Variants in ST8SIA3 observed in about 807,000 individuals in gnomAD.
ST8SIA3 encodes the protein alpha-N-acetylneuraminate alpha-2,8-sialyltransferase ST8SIA3.
A neutral mutation model predicts 34.5 loss-of-function variants in ST8SIA3; 17 were observed. The observed-to-expected ratio is 0.49, with a 90% CI of 0.34 to 0.74. The LOEUF is 0.74. Ranked by LOEUF, ST8SIA3 falls within the 30% of genes least tolerant of loss-of-function variation. The probability of loss-of-function intolerance (pLI) is 0.01; values close to 1 mark genes in which losing one functional copy is unlikely to be tolerated. For missense variants in ST8SIA3, 354 were observed against 467.8 expected (o/e 0.76, Z 2.24); for synonymous variants, 172 against 176.1 (o/e 0.98, Z 0.19).
In ST8SIA3 at chr18:57,360,315, A is replaced by G. The variant is rs1460521852; in HGVS notation, c.*38A>G. The G allele has an allele frequency of 6.3e-7, 1 of 1,587,804 alleles. No individual in the cohort carries two copies. Among genetic ancestry groups the G allele is most frequent in the Admixed American group, 1.7e-5 (1 of 58,072 alleles). On this transcript the variant is annotated 3_prime_UTR_variant, in exon 4 of 4. Coordinates refer to ENST00000324000, the MANE Select transcript of ST8SIA3 (RefSeq NM_015879.3). ...GAAAGCGCCAAATGGCTGTTTAAAA[A>G]GTGCCCCAAATCAAATTGAATAGCC...
intron 3 of ST8SIA3, among the ~76,000 whole-genome samples, chr18:57,357,898 T>G (rs1359682345): frequency 1.3e-5 from 2 of 152,248 alleles, no homozygotes; most frequent in Non-Finnish European, 2.9e-5. Flanking sequence ...TTTGTAGATG[T>G]CCAAGGTTAG....
In ST8SIA3 at chr18:57,352,607, C is replaced by T. The variant is rs1490988206; in HGVS notation, c.-240C>T. 3.9e-6 allele frequency: 2 copies of T among 518,758 alleles called. No homozygotes were observed. The highest frequency in any genetic ancestry group is 2.8e-5 in the Admixed American group (1 of 36,302). The allele number at this position is 518,758 out of a possible 1,614,324, so 32.1% of individuals were successfully genotyped here. A position where few individuals can be genotyped will look rare whatever the true frequency, so the allele number is the denominator to read the frequency against. ...CTCCATCTTCCTGCTCGGCACCGGG[C>T]CCCGCGCGCCCCTGCCTACGGGGTC... On this transcript the variant is annotated 5_prime_UTR_variant, in exon 1 of 4. Transcript: ENST00000324000.
chr18:57,353,132 G>A, intron 1 of ST8SIA3, 107 bp downstream of exon 1: 2 of 1,150,796 alleles, frequency 1.7e-6, no homozygotes, highest in Non-Finnish European at 2.5e-6. Flanking sequence ...AGACTCTTTG[G>A]GCCAGATAAC....
chr18:57,360,536 G>A lies in ST8SIA3; in HGVS notation c.*259G>A. The A allele has an allele frequency of 2.2e-6, 1 of 450,418 alleles. No homozygotes were observed. Among genetic ancestry groups the A allele is most frequent in the Non-Finnish European group, 3.9e-6 (1 of 253,710 alleles). 27.9% of individuals were successfully genotyped at this position (450,418 alleles called of 1,614,324 possible). A position where few individuals can be genotyped will look rare whatever the true frequency, so the allele number is the denominator to read the frequency against. On this transcript the variant is annotated 3_prime_UTR_variant, in exon 4 of 4. Coordinates refer to ENST00000324000, the MANE Select transcript of ST8SIA3 (RefSeq NM_015879.3). Reference sequence around the variant, plus strand: ...GACTATGCTGCTAACGAAATGGTTTGAAGTATTTTCATGTTTGGATTTTAA... The same window carrying A: ...GACTATGCTGCTAACGAAATGGTTTAAAGTATTTTCATGTTTGGATTTTAA...
At position 57,368,592 on chromosome 18, in the gene ST8SIA3, C is replaced by T. The variant is rs1598906816; in HGVS notation, c.*8315C>T. On this transcript the variant is annotated 3_prime_UTR_variant, in exon 4 of 4. Transcript: ENST00000324000. ...AGTTCTCTTGCTCTTTGGAAGAAGC[C>T]GAGGGCCTTAACAAATCAGACTGAC... The T allele has an allele frequency of 2.0e-5, 3 of 152,114 alleles. No homozygotes were observed. Among genetic ancestry groups the T allele is most frequent in the Admixed American group, 6.5e-5 (1 of 15,272 alleles). The allele number at this position is 152,114 out of a possible 1,614,324, so 9.4% of individuals were successfully genotyped here.
rs764755634 is a variant in ST8SIA3 at position 57,353,070 on chromosome 18, T to C, written c.179+45T>C. The C allele has an allele frequency of 1.9e-6, 3 of 1,585,990 alleles. No individual in the cohort carries two copies. In the Admixed American group the frequency reaches 5.0e-5, roughly 27 times the overall value. On this transcript the variant is annotated intron_variant, in intron 1 of 3. Transcript: ENST00000324000. Reference sequence around the variant, plus strand: ...TTAGTGCCCTCGGGAATTTGGTTGATGGGGTGTTTGGGGAAGGGAAGGCGT... The same window carrying C: ...TTAGTGCCCTCGGGAATTTGGTTGACGGGGTGTTTGGGGAAGGGAAGGCGT...
In ST8SIA3 at chr18:57,357,084, T is replaced by C. The variant is rs2049802696; in HGVS notation, c.474T>C (p.His158=). 6.2e-7 allele frequency: 1 copy of C among 1,614,046 alleles called. No homozygotes were observed. Among genetic ancestry groups the C allele is most frequent in the East Asian group, 2.2e-5 (1 of 44,888 alleles). ...LPDVSPIMNK[H]YNICAVVGNS... is the part of the protein sequence containing the mutation. ...ATGTGTCACCCATTATGAACAAGCA[T>C]TATAATATTTGTGCTGTGGTTGGAA... Residue 158 remains histidine (H), a synonymous_variant, in exon 3 of 4, where the codon CAT becomes CAC. Transcript: ENST00000324000.
rs774112754 is a variant in ST8SIA3 at position 57,356,956 on chromosome 18, T to C, written c.346T>C (p.Leu116=). 1.2e-6 allele frequency: 2 copies of C among 1,600,270 alleles called. No homozygotes were observed. Among genetic ancestry groups the C allele is most frequent in the Admixed American group, 3.5e-5 (2 of 56,918 alleles). ...QHVDVIKNFS[L]TKNSVRIGQL... The stretch of plus-strand genomic sequence containing the variant: ...TGTCGATGTAATAAAAAATTTTTCT[T>C]TGACCAAGAATAGTGTTCGGATTGG... The change falls in exon 3 of 4, where the codon TTG becomes CTG. Residue 116 remains leucine (L), a synonymous_variant. Transcript: ENST00000324000.
chr18:57,360,086 T>A lies in ST8SIA3; in HGVS notation c.952T>A (p.Leu318Met), dbSNP rs1419175656. 6.2e-7 allele frequency: 1 copy of A among 1,614,180 alleles called. No individual in the cohort carries two copies. The highest frequency in any genetic ancestry group is 1.1e-5 in the South Asian group (1 of 91,086). The part of the protein sequence containing the change: ...LASAICEEIH[L>M]YGFWPFGFDP... ...ATCAGCAATATGTGAAGAGATCCAC[T>A]TGTATGGATTTTGGCCGTTTGGATT... Residue 318 changes from leucine to methionine, a missense_variant, in exon 4 of 4, where the codon TTG (leucine) becomes ATG (methionine). By Grantham distance (15) the Leu-to-Met change is conservative. Transcript: ENST00000324000.
At position 57,366,169 on chromosome 18, in the gene ST8SIA3, G is replaced by A. The variant is rs1479649762; in HGVS notation, c.*5892G>A. On this transcript the variant is annotated 3_prime_UTR_variant, in exon 4 of 4. Transcript: ENST00000324000. ...GCCTGAACAATTTTTAAGTCAGTGA[G>A]TACCAAATAGGAGAGGCTAGCAGAG... The A allele has an allele frequency of 6.6e-6, 1 of 152,210 alleles. No homozygotes were observed. Among genetic ancestry groups the A allele is most frequent in the Non-Finnish European group, 1.5e-5 (1 of 68,040 alleles). The allele number at this position is 152,210 out of a possible 1,614,324, so 9.4% of individuals were successfully genotyped here.
rs201061413 is a variant in ST8SIA3 at position 57,352,732 on chromosome 18, T to G, written c.-115T>G. ...CCTCCTCCGCCACACGCGCGCGCGC[T>G]CACACACACACACACACACACACAC... On this transcript the variant is annotated 5_prime_UTR_variant, in exon 1 of 4. Coordinates refer to ENST00000324000, the MANE Select transcript of ST8SIA3 (RefSeq NM_015879.3). 40 of 390,474 alleles carry G rather than the reference T, an allele frequency of 1.0e-4. 1 individual carries two copies. Among genetic ancestry groups the G allele is most frequent in the Admixed American group, 1.4e-4 (5 of 34,632 alleles). 24.2% of individuals were successfully genotyped at this position (390,474 alleles called of 1,614,324 possible). A position where few individuals can be genotyped will look rare whatever the true frequency, so the allele number is the denominator to read the frequency against.
rs897090511 is a variant in ST8SIA3, at chr18:57,353,133, G to C, written c.179+108G>C. ...TTTTGGCCTCTCCGAGACTCTTTGG[G>C]CCAGATAACTGCGCGGTCCTTCCAC... On this transcript the variant is annotated intron_variant, in intron 1 of 3. Coordinates refer to ENST00000324000, the MANE Select transcript of ST8SIA3 (RefSeq NM_015879.3). 6.6e-5 allele frequency: 72 copies of C among 1,096,964 alleles called. No homozygotes were observed. The East Asian group carries it at 1.7e-3, about 26-fold the overall frequency. 68.0% of individuals were successfully genotyped at this position (1,096,964 alleles called of 1,614,324 possible). A position where few individuals can be genotyped will look rare whatever the true frequency, so the allele number is the denominator to read the frequency against.
At chr18:57,354,044 G>T (rs868607476) in intron 1 of ST8SIA3, among the ~76,000 whole-genome samples, 31 of 152,252 alleles carry the variant, frequency 2.0e-4, no homozygotes, top group African/African-American at 7.2e-4. Context: ...GGGCTGCAAA[G>T]GCGTAGCGGG....
intron 2 of ST8SIA3, 128 bp from the exon 3 acceptor site, chr18:57,356,785 G>A (rs1423592187): frequency 6.3e-6 from 4 of 630,140 alleles, no homozygotes; most frequent in Non-Finnish European, 8.2e-6. Flanking sequence ...CCACAATTAT[G>A]TATGTATAAT....
Position 57,354,634 on chromosome 18 carries a change from C to G in ST8SIA3, c.302+110C>G, listed in dbSNP as rs1598901750. 6.2e-6 allele frequency: 8 copies of G among 1,284,892 alleles called. No individual in the cohort carries two copies. The East Asian group carries it at 1.9e-4, about 31-fold the overall frequency. The allele number at this position is 1,284,892 out of a possible 1,614,324, so 79.6% of individuals were successfully genotyped here. ...ACATCTAAAACAACAAACATCTATACGCCCCACCCTCACCATCAGGTGTAT... is the reference window on the plus strand; with the variant it reads ...ACATCTAAAACAACAAACATCTATAGGCCCCACCCTCACCATCAGGTGTAT... On this transcript the variant is annotated intron_variant, in intron 2 of 3. Transcript: ENST00000324000.
chr18:57,362,643 T>A lies in ST8SIA3; in HGVS notation c.*2366T>A, dbSNP rs1598904765. On this transcript the variant is annotated 3_prime_UTR_variant, in exon 4 of 4. Transcript: ENST00000324000. ...CCATCCCCCACCACCGTGTTATCTATCACTTTAATGAAAACTCAAAATAGT... is the reference window on the plus strand; with the variant it reads ...CCATCCCCCACCACCGTGTTATCTAACACTTTAATGAAAACTCAAAATAGT... 2 of 152,130 alleles carry A rather than the reference T, an allele frequency of 1.3e-5. No individual in the cohort carries two copies. Among genetic ancestry groups the A allele is most frequent in the Non-Finnish European group, 2.9e-5 (2 of 68,024 alleles). 9.4% of individuals were successfully genotyped at this position (152,130 alleles called of 1,614,324 possible).
Position 57,352,680 on chromosome 18 carries a change from G to GCCCCCCC in ST8SIA3, c.-165_-164insCCCCCCC. 2 of 349,028 alleles carry GCCCCCCC rather than the reference G, an allele frequency of 5.7e-6. No homozygotes were observed. The highest frequency in any genetic ancestry group is 1.1e-5 in the Non-Finnish European group (2 of 180,816). 21.6% of individuals were successfully genotyped at this position (349,028 alleles called of 1,614,324 possible). On this transcript the variant is annotated 5_prime_UTR_variant, in exon 1 of 4. Transcript: ENST00000324000. ...CCAGCCCCAACCCCCGGCCCCGGTGGCCTCCCCCCACCCCCGCCCGGGTCC... is the reference window on the plus strand; with the variant it reads ...CCAGCCCCAACCCCCGGCCCCGGTGGCCCCCCCCCTCCCCCCACCCCCGCCCGGGTCC...
intron 3 of ST8SIA3, among the ~76,000 whole-genome samples, chr18:57,359,022 C>T (rs1281973115): frequency 1.3e-5 from 2 of 152,160 alleles, no homozygotes; most frequent in South Asian, 2.1e-4. Context: ...TGCTTAGAAA[C>T]TTCCAGAAAC....
At position 57,353,684 on chromosome 18, in the gene ST8SIA3, C is replaced by A. The variant is rs2049780223; in HGVS notation, c.179+659C>A. ...CCCTCGCCAGGTCGGAGTCACCGCT[C>A]CGCGCTGGGCCGGCCTGTGAAGGCT... On this transcript the variant is annotated intron_variant, in intron 1 of 3. Coordinates refer to ENST00000324000, the MANE Select transcript of ST8SIA3 (RefSeq NM_015879.3). Among the ~76,000 whole-genome samples, 5 of 152,184 alleles carry A rather than the reference C, an allele frequency of 3.3e-5. No individual in the cohort carries two copies. In the South Asian group the frequency reaches 1.0e-3, roughly 32 times the overall value.
Sources: allele counts gnomAD v4.1 joint callset (sites outside exome capture counted in the v4.1 genomes callset), GRCh38; gene constraint gnomAD v4.1.1; transcripts MANE v1.5; gene names NCBI Gene and HGNC (gene_info 2026-07-23, HGNC 2026-07-21).